TERF1: variants seen among roughly 807,000 people sequenced by gnomAD.
TERF1 encodes the protein telomeric repeat binding factor 1, also known as telomeric repeat-binding factor 1.
Under a neutral mutation model 55.1 loss-of-function variants are expected in TERF1, and 20 were observed. The ratio of observed to expected loss-of-function variants is 0.36; its 90% CI spans 0.26 to 0.53. The LOEUF is 0.53. Among genes scored for constraint, TERF1 ranks in the 20% least tolerant of loss-of-function variants. The pLI, the probability that TERF1 is intolerant of heterozygous loss-of-function variation, is 0.91. For synonymous variants in TERF1, 168 were observed against 181.2 expected, an observed-to-expected ratio of 0.93 and a Z score of 0.59; for missense variants, 439 against 535.7, an observed-to-expected ratio of 0.82 and a Z score of 1.78.
rs1810091823 is a variant in TERF1 at position 73,047,503 on chromosome 8, T to C, written c.*1366T>C. Reference sequence around the variant, plus strand: ...GTCATACATACCTTACTAAACAATTTTGGTTTTTCACCAACATTTTATTCT... The same window carrying C: ...GTCATACATACCTTACTAAACAATTCTGGTTTTTCACCAACATTTTATTCT... On this transcript the variant is annotated 3_prime_UTR_variant, in exon 10 of 10. Transcript: ENST00000276603. The C allele has an allele frequency of 6.6e-6, 1 of 152,124 alleles. No individual in the cohort carries two copies. Among genetic ancestry groups the C allele is most frequent in the Non-Finnish European group, 1.5e-5 (1 of 68,026 alleles). The allele number at this position is 152,124 out of a possible 1,614,324, so 9.4% of individuals were successfully genotyped here.
chr8:73,038,297 T>TC (rs1809689293), intron 8 of TERF1, among the ~76,000 whole-genome samples: 1 of 150,116 alleles, frequency 6.7e-6, no homozygotes, highest in African/African-American at 2.4e-5. Context: ...CAAAAAAATT[T>TC]TAAAAAATTA....
At chr8:73,037,521 T>C (rs1809591178) in intron 8 of TERF1, among the ~76,000 whole-genome samples, 1 of 125,310 alleles carries the variant, frequency 8.0e-6, no homozygotes, top group South Asian at 2.2e-4. Flanking sequence ...GAATAAAATA[T>C]ATAAACCTTG....
chr8:73,010,546 A>C (rs747519379), intron 1 of TERF1: 7 of 152,210 alleles, frequency 4.6e-5, no homozygotes, highest in Admixed American at 4.6e-4. Context: ...ATAAAAGGGC[A>C]CAGAAGCAAC....
intron 8 of TERF1, among the ~76,000 whole-genome samples, chr8:73,035,790 A>G (rs1373950209): frequency 2.6e-5 from 4 of 152,196 alleles, no homozygotes; most frequent in Non-Finnish European, 5.9e-5. Context: ...CACACCCAGT[A>G]TATATGTCAA....
At chr8:73,034,273 A>G (rs1260661296) in intron 8 of TERF1, among the ~76,000 whole-genome samples, 2 of 152,202 alleles carry the variant, frequency 1.3e-5, no homozygotes, top group Non-Finnish European at 2.9e-5. Context: ...CTGGGATTAC[A>G]GGAGTGTGCC....
rs550941750 is a variant in TERF1, at chr8:73,022,126, G to T, written c.538-90G>T. On this transcript the variant is annotated intron_variant, in intron 3 of 9. Coordinates refer to ENST00000276603, the MANE Select transcript of TERF1 (RefSeq NM_017489.3). Reference sequence around the variant, plus strand: ...CTACATAAAAATGTTCTCAACAGAGGATTTCAGACTTACCTGAGTTATCTT... The same window carrying T: ...CTACATAAAAATGTTCTCAACAGAGTATTTCAGACTTACCTGAGTTATCTT... 37 of 715,610 alleles carry T rather than the reference G, an allele frequency of 5.2e-5. 1 individual carries two copies. Among genetic ancestry groups the T allele is most frequent in the South Asian group, 4.0e-4 (21 of 52,020 alleles). 44.3% of individuals were successfully genotyped at this position (715,610 alleles called of 1,614,324 possible).
chr8:73,042,927 A>C, intron 9 of TERF1: 1 of 152,236 alleles, frequency 6.6e-6, no homozygotes, highest in African/African-American at 2.4e-5. Context: ...TATGGGTTTA[A>C]TGTCCAGAAA....
intron 2 of TERF1, among the ~76,000 whole-genome samples, chr8:73,016,501 T>C (rs1808510021): frequency 2.0e-5 from 3 of 151,386 alleles, no homozygotes; most frequent in Admixed American, 1.3e-4. Context: ...GGTGCCATCA[T>C]AGTTTATTGC....
At chr8:73,013,033 G>T in intron 1 of TERF1, 1 of 409,138 alleles carries the variant, frequency 2.4e-6, no homozygotes, top group Non-Finnish European at 5.1e-6. Flanking sequence ...GATAATCTCT[G>T]GTGTAGCATA....
intron 6 of TERF1, among the ~76,000 whole-genome samples, chr8:73,029,033 G>A (rs151242469): frequency 3.9e-5 from 6 of 152,152 alleles, no homozygotes; most frequent in African/African-American, 1.4e-4. Flanking sequence ...ATCAAGAATC[G>A]AGCAAATACC....
At chr8:73,032,862 T>G (rs981860292) in intron 8 of TERF1, among the ~76,000 whole-genome samples, 9 of 152,106 alleles carry the variant, frequency 5.9e-5, no homozygotes, top group Admixed American at 5.9e-4. Context: ...GGTACTGAAC[T>G]GATACTGAGA....
At chr8:73,040,295 A>C (rs1204984282) in intron 9 of TERF1, among the ~76,000 whole-genome samples, 2 of 152,090 alleles carry the variant, frequency 1.3e-5, no homozygotes, top group Non-Finnish European at 2.9e-5. Flanking sequence ...GGGTATTTTC[A>C]TTAGAAAAAC....
intron 2 of TERF1, among the ~76,000 whole-genome samples, chr8:73,018,574 A>G (rs2981113): frequency 0.68 from 102,965 of 152,068 alleles, 35,582 homozygotes; most frequent in Middle Eastern, 0.77. Context: ...TACTTGGGAG[A>G]CTGAAACAGC....
chr8:73,024,517 A>G (rs1307950955), intron 4 of TERF1, among the ~76,000 whole-genome samples: 1 of 152,210 alleles, frequency 6.6e-6, no homozygotes, highest in Non-Finnish European at 1.5e-5. Context: ...AGATTATGGT[A>G]GTAAACAGGG....
intron 9 of TERF1, chr8:73,042,875 A>T (rs1048250225): frequency 1.3e-5 from 2 of 152,176 alleles, no homozygotes; most frequent in Non-Finnish European, 2.9e-5. Context: ...ATTTTTTGAG[A>T]AAATAAAAGA....
At chr8:73,028,785 G>A (rs1809146847) in intron 6 of TERF1, among the ~76,000 whole-genome samples, 1 of 152,034 alleles carries the variant, frequency 6.6e-6, no homozygotes, top group Non-Finnish European at 1.5e-5. Flanking sequence ...TGTAATCAGA[G>A]TTGTTACTTC....
chr8:73,037,682 ATATATAT>A (rs1809611214), intron 8 of TERF1, among the ~76,000 whole-genome samples: 7 of 57,352 alleles, frequency 1.2e-4, no homozygotes, highest in African/African-American at 5.9e-4. Flanking sequence ...ATTATATATA[ATATATAT>A]TATATAGTAT....
intron 8 of TERF1, among the ~76,000 whole-genome samples, chr8:73,037,835 A>AT (rs1563472282): frequency 2.0e-5 from 2 of 98,954 alleles, no homozygotes; most frequent in East Asian, 5.0e-4. Flanking sequence ...ATAGTATAAT[A>AT]ATATATATAA....
rs55688226 is a variant in TERF1, at chr8:73,027,368, A to G, written c.887+316A>G. On this transcript the variant is annotated intron_variant, in intron 6 of 9. Transcript: ENST00000276603. ...TTGTGTTTAGATTCTACATGTTCTC[A>G]TTATGTGATTCATGTTTCACTGTAC... 6.9e-3 allele frequency among the ~76,000 whole-genome samples: 1,055 copies of G among 152,284 alleles called. 8 individuals carry two copies. The highest frequency in any genetic ancestry group is 0.023 in the African/African-American group (970 of 41,562).
Sources: gnomAD v4.1 joint callset for allele counts (sites outside exome capture counted in the v4.1 genomes callset) on GRCh38, gnomAD v4.1.1 for gene constraint, MANE v1.5 for transcripts, NCBI Gene and HGNC (gene_info 2026-07-23, HGNC 2026-07-21) for gene names.